LINGO2: variants seen among roughly 807,000 people sequenced by gnomAD.
LINGO2 encodes leucine rich repeat and Ig domain containing 2.
Under a neutral mutation model 30.6 loss-of-function variants are expected in LINGO2, and 14 were observed. The ratio of observed to expected loss-of-function variants is 0.46; its 90% CI spans 0.30 to 0.72. The LOEUF (loss-of-function observed/expected upper bound fraction) is 0.72. Ranked by LOEUF, LINGO2 falls within the 30% of genes least tolerant of loss-of-function variation. The pLI is 0.07. For missense variants in LINGO2, 729 were observed against 751.7 expected (o/e 0.97, Z 0.35); for synonymous variants, 317 against 288.5 (o/e 1.10, Z -1.00).
chr9:28,756,556 G>T, the LINGO2 span, among the ~76,000 whole-genome samples: 1 of 151,952 alleles, frequency 6.6e-6, no homozygotes, highest in Non-Finnish European at 1.5e-5. Context: ...GAATGATATT[G>T]TTTGGCTCGG....
intron 1 of LINGO2, among the ~76,000 whole-genome samples, chr9:28,655,424 C>T (rs1390714147): frequency 6.6e-6 from 1 of 152,006 alleles, no homozygotes; most frequent in Non-Finnish European, 1.5e-5. Flanking sequence ...TCAGATAAGA[C>T]TTTCGAGTTG....
upstream of LINGO2, among the ~76,000 whole-genome samples, chr9:28,673,692 A>ATCATCATCC (rs1200005196): frequency 6.6e-6 from 1 of 151,808 alleles, no homozygotes; most frequent in African/African-American, 2.4e-5. Context: ...CATCATCATC[A>ATCATCATCC]TCATCATCAT....
At chr9:28,669,191 A>G (rs1257818396) in intron 1 of LINGO2, among the ~76,000 whole-genome samples, 1 of 152,104 alleles carries the variant, frequency 6.6e-6, no homozygotes, top group East Asian at 1.9e-4. Context: ...CTATGTATGT[A>G]TTCACCATTC....
the LINGO2 span, among the ~76,000 whole-genome samples, chr9:28,802,477 C>A: frequency 1.2e-4 from 18 of 152,010 alleles, no homozygotes; most frequent in African/African-American, 4.1e-4. Flanking sequence ...AACCAGCTTG[C>A]ATTTTTCACT....
chr9:28,304,894 C>T (rs1293467126), intron 3 of LINGO2, among the ~76,000 whole-genome samples: 1 of 151,914 alleles, frequency 6.6e-6, no homozygotes, highest in Admixed American at 6.6e-5. Context: ...GTTATAATGC[C>T]TCTAGTAAAG....
chr9:28,445,059 A>G (rs1004541632), intron 2 of LINGO2, among the ~76,000 whole-genome samples: 1 of 152,172 alleles, frequency 6.6e-6, no homozygotes, highest in Non-Finnish European at 1.5e-5. Flanking sequence ...AATTTAGCCA[A>G]AGTCACAGAG....
chr9:28,656,211 G>T (rs1164431810), intron 1 of LINGO2, among the ~76,000 whole-genome samples: 1 of 151,592 alleles, frequency 6.6e-6, no homozygotes, highest in Non-Finnish European at 1.5e-5. Context: ...GATCTAGCAA[G>T]AAATTTTAAA....
chr9:29,189,998 C>G, the LINGO2 span, among the ~76,000 whole-genome samples: 28 of 119,458 alleles, frequency 2.3e-4, no homozygotes, highest in South Asian at 6.6e-3. Flanking sequence ...AGAGGGAGAC[C>G]GTGGAAAGAG....
the LINGO2 span, among the ~76,000 whole-genome samples, chr9:29,180,457 G>A: frequency 6.6e-6 from 1 of 152,102 alleles, no homozygotes; most frequent in Non-Finnish European, 1.5e-5. Context: ...AGTTAACAAT[G>A]GGTCCAGAAA....
chr9:28,026,806 G>C (rs1823399918), intron 4 of LINGO2, among the ~76,000 whole-genome samples: 1 of 152,090 alleles, frequency 6.6e-6, no homozygotes, highest in South Asian at 2.1e-4. Flanking sequence ...TCTGCTCCTT[G>C]AACTATTTAT....
the LINGO2 span, among the ~76,000 whole-genome samples, chr9:29,070,428 G>A: frequency 5.8e-3 from 885 of 152,156 alleles, 9 homozygotes; most frequent in African/African-American, 0.02. Flanking sequence ...GGGACTTCCC[G>A]TCACCCATCC....
chr9:28,179,412 T>A (rs1246305701), intron 4 of LINGO2, among the ~76,000 whole-genome samples: 2 of 139,262 alleles, frequency 1.4e-5, no homozygotes, highest in African/African-American at 5.3e-5. Flanking sequence ...GTATATAGTA[T>A]ACTATATGTA....
the LINGO2 span, among the ~76,000 whole-genome samples, chr9:28,984,729 A>T: frequency 2.0e-5 from 3 of 152,138 alleles, no homozygotes; most frequent in African/African-American, 7.2e-5. Context: ...TCTCTTTTTA[A>T]CTTTATTGTA....
chr9:28,083,728 A>C (rs975025274), intron 4 of LINGO2, among the ~76,000 whole-genome samples: 1 of 152,184 alleles, frequency 6.6e-6, no homozygotes. Flanking sequence ...AAGGGCATAC[A>C]TATCAAATTT....
At chr9:28,655,401 G>A (rs1449076831) in intron 1 of LINGO2, among the ~76,000 whole-genome samples, 1 of 152,060 alleles carries the variant, frequency 6.6e-6, no homozygotes, top group Admixed American at 6.6e-5. Context: ...AAGCAGAAGG[G>A]ACTTGCCTTG....
intron 4 of LINGO2, among the ~76,000 whole-genome samples, chr9:28,269,337 A>C (rs10733429): frequency 6.6e-6 from 1 of 152,032 alleles, no homozygotes; most frequent in African/African-American, 2.4e-5. Flanking sequence ...GTGAGTGCCT[A>C]AATGAACTTC....
At chr9:28,235,289 G>A (rs1821521460) in intron 4 of LINGO2, among the ~76,000 whole-genome samples, 1 of 152,196 alleles carries the variant, frequency 6.6e-6, no homozygotes, top group Non-Finnish European at 1.5e-5. Flanking sequence ...AGGTACCTTT[G>A]AGAGTCTGTA....
In LINGO2 at chr9:28,090,854, A is replaced by T. The variant is rs2133262437; in HGVS notation, c.-86-78449T>A. Among the ~76,000 whole-genome samples, 4 of 152,338 alleles carry T rather than the reference A, an allele frequency of 2.6e-5. 1 individual carries two copies. In the South Asian group the frequency reaches 8.3e-4, roughly 32 times the overall value. ...CAAAATCTTGTTAAGTTGATAGGCA[A>T]CTTCAGCAAAGTCTCAGGATACAAA... On this transcript the variant is annotated intron_variant, in intron 4 of 5. Coordinates refer to ENST00000379992, the Ensembl canonical transcript of LINGO2.
chr9:28,823,411 C>T, the LINGO2 span, among the ~76,000 whole-genome samples: 1 of 152,268 alleles, frequency 6.6e-6, no homozygotes, highest in East Asian at 1.9e-4. Flanking sequence ...ATTACCATAA[C>T]GTATCTCCAG....
Sources: gnomAD v4.1 joint callset for allele counts (sites outside exome capture counted in the v4.1 genomes callset) on GRCh38, gnomAD v4.1.1 for gene constraint, MANE v1.5 for transcripts, NCBI Gene and HGNC (gene_info 2026-07-23, HGNC 2026-07-21) for gene names.